The following KDM5B variants were observed in gnomAD, a reference collection of about 807,000 sequenced individuals.
KDM5B encodes the protein lysine demethylase 5B, also known as lysine-specific demethylase 5B.
In KDM5B, 144 loss-of-function variants were observed where a neutral mutation model predicts 193.4. That is an observed-to-expected ratio of 0.74 (90% CI 0.65 to 0.86). The LOEUF is 0.86. Among genes scored for constraint, KDM5B ranks in the 40% least tolerant of loss-of-function variants. The pLI is 0.00. For synonymous variants in KDM5B, 668 were observed against 682.6 expected (o/e 0.98, Z 0.33); for missense variants, 1,833 against 1,886.9 (o/e 0.97, Z 0.53).
intron 1 of KDM5B, among the ~76,000 whole-genome samples, chr1:202,798,501 G>C (rs906666350): frequency 6.6e-6 from 1 of 151,810 alleles, no homozygotes; most frequent in African/African-American, 2.4e-5. Context: ...GCCTTTTCAA[G>C]TTTCACTTTT....
At chr1:202,748,694 C>T (rs538997189) in intron 14 of KDM5B, among the ~76,000 whole-genome samples, 170 of 152,132 alleles carry the variant, frequency 1.1e-3, no homozygotes, top group African/African-American at 4.0e-3. Context: ...CATAGTGAGA[C>T]CCTGTTTCTA....
chr1:202,769,439 G>A (rs1287189322), intron 4 of KDM5B, among the ~76,000 whole-genome samples: 1 of 151,310 alleles, frequency 6.6e-6, no homozygotes, highest in Admixed American at 6.6e-5. Context: ...GGAGGCCAAG[G>A]CAGGTAGATC....
chr1:202,772,089 G>T (rs1286537820), intron 4 of KDM5B, among the ~76,000 whole-genome samples: 2 of 152,114 alleles, frequency 1.3e-5, no homozygotes, highest in African/African-American at 4.8e-5. Context: ...ATTAGGACAG[G>T]ACTTTGGTTA....
At chr1:202,735,718 C>T (rs1213460629) in intron 21 of KDM5B, 131 bp from the exon 22 acceptor site, 1 of 777,574 alleles carries the variant, frequency 1.3e-6, no homozygotes, top group Non-Finnish European at 2.1e-6. Context: ...TTCTTTGGAA[C>T]ATGCAACCCT....
intron 1 of KDM5B, among the ~76,000 whole-genome samples, chr1:202,801,194 T>G (rs1159004543): frequency 2.0e-5 from 3 of 152,192 alleles, no homozygotes; most frequent in African/African-American, 7.2e-5. Context: ...AATTTTTTAA[T>G]TTACTCCCTG....
chr1:202,752,504 C>G (rs1655831491), intron 12 of KDM5B, among the ~76,000 whole-genome samples: 1 of 152,206 alleles, frequency 6.6e-6, no homozygotes, highest in South Asian at 2.1e-4. Context: ...TTTCTCAGAA[C>G]ATATCCCTGT....
Position 202,752,083 on chromosome 1 carries a change from A to G in KDM5B, c.1701+822T>C, listed in dbSNP as rs1185285392. Among the ~76,000 whole-genome samples, 3 of 152,204 alleles carry G rather than the reference A, an allele frequency of 2.0e-5. 1 individual carries two copies. The highest frequency in any genetic ancestry group is 7.2e-5 in the African/African-American group (3 of 41,446). On this transcript the variant is annotated intron_variant, in intron 12 of 26. Transcript: ENST00000367265. ...TTTAGGTCACAACAAGTTCACTTTA[A>G]CACTGTAAATGTATCATTTACATTT...
chr1:202,747,896 T>G (rs779720182), intron 14 of KDM5B, among the ~76,000 whole-genome samples: 3 of 152,062 alleles, frequency 2.0e-5, no homozygotes, highest in Non-Finnish European at 4.4e-5. Context: ...AGGAATTGAT[T>G]TGGTAGAAAT....
chr1:202,778,126 G>C (rs1176009617), intron 1 of KDM5B, among the ~76,000 whole-genome samples: 1 of 151,754 alleles, frequency 6.6e-6, no homozygotes, highest in Non-Finnish European at 1.5e-5. Flanking sequence ...AGTGAGCCAA[G>C]ATCGCGCCAT....
At chr1:202,772,102 G>A (rs553867770) in intron 4 of KDM5B, among the ~76,000 whole-genome samples, 2 of 152,206 alleles carry the variant, frequency 1.3e-5, no homozygotes, top group East Asian at 3.9e-4. Context: ...TTTGGTTAGT[G>A]ATTTACCCCT....
chr1:202,778,785 G>A (rs1657069201), intron 1 of KDM5B, among the ~76,000 whole-genome samples: 1 of 152,114 alleles, frequency 6.6e-6, no homozygotes, highest in South Asian at 2.1e-4. Flanking sequence ...ACCACACCCA[G>A]CTAATTTTGT....
chr1:202,749,931 A>C (rs1036139399), intron 13 of KDM5B, among the ~76,000 whole-genome samples: 6 of 152,244 alleles, frequency 3.9e-5, no homozygotes, highest in African/African-American at 1.4e-4. Flanking sequence ...GAAAAGTATT[A>C]ATACAAATAT....
intron 15 of KDM5B, 69 bp from the exon 16 acceptor site, chr1:202,746,051 T>C: frequency 2.5e-6 from 4 of 1,595,992 alleles, no homozygotes; most frequent in African/African-American, 1.3e-5. Flanking sequence ...GTTTTATACT[T>C]AACATTTCAG....
At chr1:202,802,406 T>G (rs1316028312) in intron 1 of KDM5B, among the ~76,000 whole-genome samples, 2 of 152,046 alleles carry the variant, frequency 1.3e-5, no homozygotes, top group South Asian at 2.1e-4. Flanking sequence ...GTTGTTGTTG[T>G]GTTTGTTTTC....
chr1:202,751,340 T>C (rs1655781517), intron 12 of KDM5B, among the ~76,000 whole-genome samples: 1 of 152,170 alleles, frequency 6.6e-6, no homozygotes, highest in African/African-American at 2.4e-5. Flanking sequence ...GCTTACCTAG[T>C]GTACGGTCCC....
In KDM5B at chr1:202,726,423, T is replaced by C. The variant is rs996400751; in HGVS notation, c.*2613A>G. ...ACATATAATCAAGCCCTTTATTCTA[T>C]ATAAGAAATCCCCCAAAGTCTAATC... On this transcript the variant is annotated 3_prime_UTR_variant, in exon 27 of 27. Coordinates refer to ENST00000367265, the MANE Select transcript of KDM5B (RefSeq NM_006618.5). 2.0e-5 allele frequency: 3 copies of C among 152,232 alleles called. No individual in the cohort carries two copies. The highest frequency in any genetic ancestry group is 7.2e-5 in the African/African-American group (3 of 41,450). The allele number at this position is 152,232 out of a possible 1,614,324, so 9.4% of individuals were successfully genotyped here. A position where few individuals can be genotyped will look rare whatever the true frequency, so the allele number is the denominator to read the frequency against.
chr1:202,763,525 A>C (rs1383296132), intron 6 of KDM5B, among the ~76,000 whole-genome samples: 1 of 152,114 alleles, frequency 6.6e-6, no homozygotes, highest in Non-Finnish European at 1.5e-5. Context: ...AGGTTGAACA[A>C]ATTTTAGTAA....
chr1:202,753,065 C>A lies in KDM5B; in HGVS notation c.1541G>T (p.Gly514Val), dbSNP rs1339411525. 1.9e-6 allele frequency: 3 copies of A among 1,610,444 alleles called. No homozygotes were observed. Among genetic ancestry groups the A allele is most frequent in the South Asian group, 1.1e-5 (1 of 90,422 alleles). ...WSYSINYLHW[G>V]EPKTWYGVPG... is the part of the protein sequence containing the mutation. ...GACTCCATACCAGGTTTTTGGCTCA[C>A]CCCTGGAAATAGATTATAAAAATAA... The change falls in exon 12 of 27, where the codon GGT becomes GTT. Residue 514 changes from glycine to valine, a missense_variant and splice_region_variant. Around this residue, in one of 3 missense-constraint regions of KDM5B, gnomAD observed 1,379 missense variants for 1,349.6 expected, o/e 1.02. Coordinates refer to ENST00000367265, the MANE Select transcript of KDM5B (RefSeq NM_006618.5).
Position 202,741,477 on chromosome 1 carries a change from C to T in KDM5B, c.2835G>A (p.Gly945=). 3 of 1,614,178 alleles carry T rather than the reference C, an allele frequency of 1.9e-6. No homozygotes were observed. Among genetic ancestry groups the T allele is most frequent in the Non-Finnish European group, 2.5e-6 (3 of 1,179,994 alleles). ...CTGCTGAATACGGGGCCAGCCCTAC[C>T]CCTAGGTCTATGAGACGTCTCATAT... ...LDDMRRLIDL[G]VGLAPYSAVE... Residue 945 remains glycine (G), a synonymous_variant, in exon 19 of 27, where the codon GGG becomes GGA. Transcript: ENST00000367265.
Sources: gnomAD v4.1 joint callset for allele counts (sites outside exome capture counted in the v4.1 genomes callset) on GRCh38, gnomAD v4.1.1 for gene constraint, gnomAD v4.1.1 regional missense constraint, MANE v1.5 for transcripts, NCBI Gene and HGNC (gene_info 2026-07-23, HGNC 2026-07-21) for gene names.